Variants in COPA observed in about 807,000 individuals in gnomAD.
COPA encodes the protein coat protein complex I subunit alpha.
Under a neutral mutation model 158.7 loss-of-function variants are expected in COPA, and 10 were observed. That is an observed-to-expected ratio of 0.06 (90% CI 0.04 to 0.11). The LOEUF is 0.11. Among genes scored for constraint, COPA ranks in the 10% least tolerant of loss-of-function variants. The pLI, the probability that COPA is intolerant of heterozygous loss-of-function variation, is 1.00. For synonymous variants in COPA, 462 were observed against 542.8 expected, an observed-to-expected ratio of 0.85 and a Z score of 2.07; for missense variants, 1,065 against 1,536.7, an observed-to-expected ratio of 0.69 and a Z score of 5.13.
Position 160,306,340 on chromosome 1 carries a change from A to G in COPA, c.1442+14T>C. Reference sequence around the variant, plus strand: ...ACTACAGGGCTGTCTGCTTAGGGGCACCTGATATGTTACCGCTTCTGCTGT... The same window carrying G: ...ACTACAGGGCTGTCTGCTTAGGGGCGCCTGATATGTTACCGCTTCTGCTGT... On this transcript the variant is annotated intron_variant, in intron 15 of 32. Coordinates refer to ENST00000241704, the MANE Select transcript of COPA (RefSeq NM_004371.4). 6.3e-7 allele frequency: 1 copy of G among 1,581,752 alleles called. No homozygotes were observed. The highest frequency in any genetic ancestry group is 8.6e-7 in the Non-Finnish European group (1 of 1,164,040).
intron 1 of COPA, among the ~76,000 whole-genome samples, chr1:160,342,531 T>C (rs941858337): frequency 1.3e-5 from 2 of 152,174 alleles, no homozygotes; most frequent in Non-Finnish European, 2.9e-5. Flanking sequence ...CTATTCATTG[T>C]TTACCTGAAA....
chr1:160,340,318 A>G, intron 1 of COPA, 24 bp from the exon 2 acceptor site: 1 of 1,484,574 alleles, frequency 6.7e-7, no homozygotes, highest in Non-Finnish European at 9.4e-7. Context: ...AAAATGATAC[A>G]ATGAGCTAAC....
rs991661506 is a variant in COPA, at chr1:160,289,101, C to A, written c.*1056G>T. On this transcript the variant is annotated 3_prime_UTR_variant, in exon 33 of 33. Transcript: ENST00000241704. ...TCCTCTGCCTCAGCCTCCAGAGTAG[C>A]TGGGATTACAGGCACCCACCACCAT... is the stretch of plus-strand genomic sequence containing the variant. Among the ~76,000 whole-genome samples the A allele has an allele frequency of 2.0e-5, 3 of 151,048 alleles. No individual in the cohort carries two copies. Among genetic ancestry groups the A allele is most frequent in the African/African-American group, 4.9e-5 (2 of 41,036 alleles).
chr1:160,332,274 C>CT lies in COPA; in HGVS notation c.496+173dup, dbSNP rs575801716. On this transcript the variant is annotated intron_variant, in intron 6 of 32. Coordinates refer to ENST00000241704, the MANE Select transcript of COPA (RefSeq NM_004371.4). ...GAGTTACCTCTTTTCTTAGAGAAGACTTCCAATATGAAGAACCATCAAAGC... is the reference window on the plus strand; with the variant it reads ...GAGTTACCTCTTTTCTTAGAGAAGACTTTCCAATATGAAGAACCATCAAAGC... 6.6e-5 allele frequency among the ~76,000 whole-genome samples: 10 copies of CT among 152,284 alleles called. No individual in the cohort carries two copies. In the East Asian group the frequency reaches 1.9e-3, roughly 29 times the overall value.
intron 30 of COPA, 86 bp from the exon 31 acceptor site, chr1:160,291,582 C>T: frequency 6.7e-7 from 1 of 1,486,162 alleles, no homozygotes; most frequent in Non-Finnish European, 9.2e-7. Flanking sequence ...GCATAAAAAA[C>T]ACAACACAAA....
intron 27 of COPA, 147 bp downstream of exon 27, chr1:160,293,019 T>C: frequency 1.2e-6 from 1 of 811,630 alleles, no homozygotes; most frequent in South Asian, 1.7e-5. Flanking sequence ...GGAAGGCAAG[T>C]GTACTTAACA....
At chr1:160,341,299 T>G (rs1387482051) in intron 1 of COPA, among the ~76,000 whole-genome samples, 1 of 152,256 alleles carries the variant, frequency 6.6e-6, no homozygotes, top group Admixed American at 6.5e-5. Context: ...GATGTTGTTC[T>G]GCAAACTTCT....
chr1:160,337,693 T>C (rs1647840336), intron 3 of COPA, among the ~76,000 whole-genome samples: 1 of 151,850 alleles, frequency 6.6e-6, no homozygotes, highest in Non-Finnish European at 1.5e-5. Flanking sequence ...CACTCCAGCC[T>C]GGGCAACAGA....
chr1:160,333,557 T>G lies in COPA; in HGVS notation c.386+46A>C, dbSNP rs200120472. ...CTAAGAGAAGCTCATTATGAAAAAC[T>G]AGGAAAAATGAAGACTCTTTTCGAG... On this transcript the variant is annotated intron_variant, in intron 5 of 32. Transcript: ENST00000241704. 2.6e-4 allele frequency: 360 copies of G among 1,397,768 alleles called. 5 individuals carry two copies. The Middle Eastern group carries it at 5.2e-3, about 20-fold the overall frequency. 86.6% of individuals were successfully genotyped at this position (1,397,768 alleles called of 1,614,324 possible).
Position 160,315,335 on chromosome 1 carries a change from G to T in COPA, c.707-1210C>A, listed in dbSNP as rs183957371. The stretch of plus-strand genomic sequence containing the variant: ...ATCCCTGAGGACAGGCAGAGAGAAA[G>T]CGGGGAGGCAAGACTATCACACCCA... On this transcript the variant is annotated intron_variant, in intron 8 of 32. Transcript: ENST00000241704. Among the ~76,000 whole-genome samples, 712 of 152,334 alleles carry T rather than the reference G, an allele frequency of 4.7e-3. 9 individuals carry two copies. The highest frequency in any genetic ancestry group is 0.016 in the African/African-American group (675 of 41,568).
intron 11 of COPA, 62 bp downstream of exon 11, chr1:160,311,806 G>T (rs1431547013): frequency 3.6e-6 from 5 of 1,399,734 alleles, no homozygotes; most frequent in Non-Finnish European, 4.8e-6. Context: ...AGTCTTGTTT[G>T]TGGGAGTTGT....
At chr1:160,305,280 A>G in intron 17 of COPA, 153 bp downstream of exon 17, 3 of 648,314 alleles carry the variant, frequency 4.6e-6, no homozygotes, top group Admixed American at 3.1e-5. Flanking sequence ...AAAAAAGTTG[A>G]AAAAAGAATG....
At chr1:160,341,976 G>A (rs1352734928) in intron 1 of COPA, among the ~76,000 whole-genome samples, 1 of 152,050 alleles carries the variant, frequency 6.6e-6, no homozygotes, top group Non-Finnish European at 1.5e-5. Context: ...ACCTATACAG[G>A]TCTCAGAAAT....
At chr1:160,311,825 G>A (rs1187163728) in intron 11 of COPA, 43 bp downstream of exon 11, 1 of 1,571,708 alleles carries the variant, frequency 6.4e-7, no homozygotes, top group Non-Finnish European at 8.7e-7. Flanking sequence ...GTATCAGGGT[G>A]ACAGATGAGA....
chr1:160,311,745 T>C, intron 11 of COPA, 123 bp downstream of exon 11: 1 of 1,013,562 alleles, frequency 9.9e-7, no homozygotes, highest in Non-Finnish European at 1.3e-6. Context: ...AGACTCCGTC[T>C]CAAAAAAAAA....
chr1:160,294,615 A>G, intron 24 of COPA, 22 bp from the exon 25 acceptor site: 1 of 1,612,298 alleles, frequency 6.2e-7, no homozygotes, highest in South Asian at 1.1e-5. Context: ...ATTCAAGCTC[A>G]AAACAGATTT....
intron 13 of COPA, chr1:160,308,813 T>C (rs1658873055): frequency 2.9e-5 from 10 of 341,904 alleles, no homozygotes; most frequent in Admixed American, 1.8e-4. Flanking sequence ...GTGAAAGTCA[T>C]ATCAACTGAC....
intron 13 of COPA, among the ~76,000 whole-genome samples, chr1:160,308,773 C>T (rs1658872443): frequency 6.6e-6 from 1 of 152,086 alleles, no homozygotes; most frequent in Non-Finnish European, 1.5e-5. Flanking sequence ...AAGATTGGAA[C>T]CACATTTTTA....
At chr1:160,315,176 A>C (rs904963076) in intron 8 of COPA, among the ~76,000 whole-genome samples, 3 of 152,014 alleles carry the variant, frequency 2.0e-5, no homozygotes, top group Non-Finnish European at 4.4e-5. Flanking sequence ...CCCTCCCCCA[A>C]CTCATGGTTT....
Sources: gnomAD v4.1 joint callset for allele counts (sites outside exome capture counted in the v4.1 genomes callset) on GRCh38, gnomAD v4.1.1 for gene constraint, MANE v1.5 for transcripts, NCBI Gene and HGNC (gene_info 2026-07-23, HGNC 2026-07-21) for gene names.